MRPL48: variants seen among roughly 807,000 people sequenced by gnomAD.
MRPL48 encodes the protein mitochondrial ribosomal protein L48.
In MRPL48, 16 loss-of-function variants were observed where a neutral mutation model predicts 32.9. The ratio of observed to expected loss-of-function variants is 0.49; its 90% CI spans 0.33 to 0.74. MRPL48 has a LOEUF of 0.74. Ranked by LOEUF, MRPL48 falls within the 30% of genes least tolerant of loss-of-function variation. MRPL48 has a pLI of 0.02. For synonymous variants in MRPL48, 94 were observed against 89.2 expected, an observed-to-expected ratio of 1.05 and a Z score of -0.31; for missense variants, 206 against 245.3, an observed-to-expected ratio of 0.84 and a Z score of 1.07.
At chr11:73,806,781 T>C (rs2134965415) in intron 2 of MRPL48, among the ~76,000 whole-genome samples, 1 of 152,250 alleles carries the variant, frequency 6.6e-6, no homozygotes, top group Non-Finnish European at 1.5e-5. Flanking sequence ...TTTAATATGA[T>C]GGAGCTAATT....
At chr11:73,845,267 C>T (rs1948268473) in intron 5 of MRPL48, 2 of 239,316 alleles carry the variant, frequency 8.4e-6, no homozygotes, top group Non-Finnish European at 1.6e-5. Flanking sequence ...TGAAATCACA[C>T]AGTATGTAGC....
chr11:73,829,873 T>C (rs1318403351), intron 4 of MRPL48, among the ~76,000 whole-genome samples: 5 of 152,210 alleles, frequency 3.3e-5, no homozygotes, highest in African/African-American at 1.2e-4. Flanking sequence ...CAAATGATTC[T>C]CCCTCTTCAG....
Position 73,788,005 on chromosome 11 carries a change from C to T in MRPL48, c.21+13C>T. 2 of 1,557,668 alleles carry T rather than the reference C, an allele frequency of 1.3e-6. No individual in the cohort carries two copies. Among genetic ancestry groups the T allele is most frequent in the Non-Finnish European group, 1.7e-6 (2 of 1,150,854 alleles). ...AACCTTGGAAAAGGTAACGTAGATT[C>T]CACGCACGCGGGGCGCGGGGAGATG... is the stretch of plus-strand genomic sequence containing the variant. On this transcript the variant is annotated intron_variant, in intron 1 of 7. Coordinates refer to ENST00000310614, the MANE Select transcript of MRPL48 (RefSeq NM_016055.6).
At chr11:73,806,405 CT>C (rs903460149) in intron 2 of MRPL48, among the ~76,000 whole-genome samples, 1 of 152,130 alleles carries the variant, frequency 6.6e-6, no homozygotes, top group Non-Finnish European at 1.5e-5. Flanking sequence ...TTGTCCTATA[CT>C]TTTTTCAGGT....
intron 1 of MRPL48, among the ~76,000 whole-genome samples, chr11:73,790,374 C>CTGTTTTTTT (rs1947128556): frequency 1.7e-5 from 1 of 57,992 alleles, no homozygotes; most frequent in East Asian, 3.6e-4. Flanking sequence ...CGCACCCGGC[C>CTGTTTTTTT]TTTTTTTTTT....
At chr11:73,816,317 T>C (rs1590954612) in intron 3 of MRPL48, among the ~76,000 whole-genome samples, 2 of 135,640 alleles carry the variant, frequency 1.5e-5, no homozygotes, top group South Asian at 2.2e-4. Flanking sequence ...CGCCTCGGCC[T>C]CCCAAAGTGC....
At chr11:73,838,978 A>T (rs913840414) in intron 4 of MRPL48, among the ~76,000 whole-genome samples, 1 of 152,068 alleles carries the variant, frequency 6.6e-6, no homozygotes, top group Non-Finnish European at 1.5e-5. Flanking sequence ...TAAAATAATG[A>T]CTCATTGTAT....
intron 1 of MRPL48, among the ~76,000 whole-genome samples, chr11:73,803,391 C>G (rs1469201012): frequency 6.6e-6 from 1 of 151,786 alleles, no homozygotes; most frequent in African/African-American, 2.4e-5. Context: ...TCAGCCTCCT[C>G]AAGTATTGGG....
chr11:73,816,683 C>T (rs1487929721), intron 3 of MRPL48, among the ~76,000 whole-genome samples: 2 of 151,572 alleles, frequency 1.3e-5, no homozygotes, highest in Non-Finnish European at 2.9e-5. Context: ...AAGCTAGTCT[C>T]GAACTCCCGA....
intron 1 of MRPL48, among the ~76,000 whole-genome samples, chr11:73,796,550 C>T (rs896971422): frequency 6.6e-6 from 1 of 152,214 alleles, no homozygotes; most frequent in African/African-American, 2.4e-5. Context: ...CCCCTTGGCA[C>T]CTACAGGGCA....
At chr11:73,799,896 T>C (rs894687725) in intron 1 of MRPL48, among the ~76,000 whole-genome samples, 1 of 152,178 alleles carries the variant, frequency 6.6e-6, no homozygotes, top group Non-Finnish European at 1.5e-5. Flanking sequence ...GCTATTATCA[T>C]TAGCTATGAA....
At chr11:73,853,912 G>A (rs947202363) in intron 5 of MRPL48, among the ~76,000 whole-genome samples, 4 of 151,878 alleles carry the variant, frequency 2.6e-5, no homozygotes, top group Admixed American at 2.6e-4. Context: ...GGATGGTCTT[G>A]ATCTCCTGAC....
intron 5 of MRPL48, among the ~76,000 whole-genome samples, chr11:73,856,152 GC>G (rs1354976127): frequency 6.6e-6 from 1 of 152,120 alleles, no homozygotes; most frequent in African/African-American, 2.4e-5. Context: ...GCTGCTTTTT[GC>G]CTCTTTGCTG....
chr11:73,860,307 C>T (rs561378004), intron 6 of MRPL48: 7 of 223,418 alleles, frequency 3.1e-5, no homozygotes, highest in African/African-American at 1.1e-4. Flanking sequence ...CTGGCCTTCT[C>T]GACTTGGATG....
chr11:73,863,184 A>T lies in MRPL48; in HGVS notation c.487A>T (p.Ser163Cys). The T allele has an allele frequency of 6.3e-7, 1 of 1,583,240 alleles. No homozygotes were observed. Among genetic ancestry groups the T allele is most frequent in the South Asian group, 1.2e-5 (1 of 86,378 alleles). The change falls in exon 7 of 8, where the codon AGT (serine) becomes TGT (cysteine). Residue 163 changes from serine (S) to cysteine (C), a missense_variant. Physicochemically the swap from Ser to Cys is moderately radical, Grantham distance 112. Transcript: ENST00000310614. ...TTTCATTTTGCAGATCAGCGGTTTG[A>T]GTGCTACGTTTGCAGAAATTTTCTT... is the stretch of plus-strand genomic sequence containing the variant. Reference protein sequence around the residue: ...HERVVQISGLSATFAEIFLEI... With the variant: ...HERVVQISGLCATFAEIFLEI...
chr11:73,834,940 C>G (rs1360994633), intron 4 of MRPL48, among the ~76,000 whole-genome samples: 11 of 150,710 alleles, frequency 7.3e-5, no homozygotes, highest in Non-Finnish European at 1.5e-5. Context: ...TAAGCGATCC[C>G]CCAGCCTCAG....
At chr11:73,793,858 G>GT (rs1293232778) in intron 1 of MRPL48, among the ~76,000 whole-genome samples, 1,302 of 113,792 alleles carry the variant, frequency 0.011, 6 homozygotes, top group Middle Eastern at 0.022. Flanking sequence ...CTTGTTTCGT[G>GT]TTTTTTTTTT....
At chr11:73,813,624 C>G (rs535063099) in intron 3 of MRPL48, among the ~76,000 whole-genome samples, 1 of 152,052 alleles carries the variant, frequency 6.6e-6, no homozygotes, top group African/African-American at 2.4e-5. Flanking sequence ...TATCCCTTGA[C>G]TTTATGTTTG....
At chr11:73,817,710 T>G in intron 3 of MRPL48, 1 of 222,800 alleles carries the variant, frequency 4.5e-6, no homozygotes, top group Non-Finnish European at 9.4e-6. Flanking sequence ...AATAACTCAC[T>G]AATGTTGGCT....
Sources: gnomAD v4.1 joint callset for allele counts (sites outside exome capture counted in the v4.1 genomes callset) on GRCh38, gnomAD v4.1.1 for gene constraint, MANE v1.5 for transcripts, NCBI Gene and HGNC (gene_info 2026-07-23, HGNC 2026-07-21) for gene names.